Variants in INTS8 observed in about 807,000 individuals in gnomAD.
The protein encoded by INTS8 is protein kaonashi-1.
A neutral mutation model predicts 138.9 loss-of-function variants in INTS8; 47 were observed. The observed-to-expected ratio is 0.34, with a 90% CI of 0.27 to 0.43. The LOEUF is 0.43. INTS8 is among the 20% of genes least tolerant of loss of function. The pLI is 1.00. For missense variants in INTS8, 996 were observed against 1,173.0 expected (o/e 0.85, Z 2.20); for synonymous variants, 392 against 400.9 (o/e 0.98, Z 0.27).
chr8:94,878,563 A>G (rs182071269), intron 26 of INTS8, among the ~76,000 whole-genome samples: 2 of 152,008 alleles, frequency 1.3e-5, no homozygotes, highest in Admixed American at 1.3e-4. Context: ...TATGCTTTGA[A>G]TTCTCTCCCC....
chr8:94,828,335 C>T (rs1318161403), intron 4 of INTS8, among the ~76,000 whole-genome samples: 2 of 152,072 alleles, frequency 1.3e-5, no homozygotes, highest in Non-Finnish European at 2.9e-5. Context: ...GCCACGGCAC[C>T]CAGCCTGATA....
chr8:94,826,285 A>ATT (rs1311945370), intron 2 of INTS8, among the ~76,000 whole-genome samples: 2 of 146,774 alleles, frequency 1.4e-5, no homozygotes. Flanking sequence ...TTTAAAGTGA[A>ATT]TTTTTTTTTT....
chr8:94,830,548 A>G (rs969728186), intron 5 of INTS8, among the ~76,000 whole-genome samples: 2 of 152,206 alleles, frequency 1.3e-5, no homozygotes, highest in African/African-American at 4.8e-5. Context: ...CCCAGGCTAC[A>G]GTGCAGTGGC....
In INTS8 at chr8:94,842,446, A is replaced by G. The variant is rs752289705; in HGVS notation, c.1218A>G (p.Leu406=). ...CAATTAGTGTTCAATTTAACCAGCT[A>G]TTTCTTAGACCAAATAAAGAGAAAA... ...GRTISVQFNQ[L]FLRPNKEKID... Residue 406 remains leucine (L), a synonymous_variant, in exon 10 of 27, where the codon CTA becomes CTG. Coordinates refer to ENST00000523731, the MANE Select transcript of INTS8 (RefSeq NM_017864.4). 4 of 1,605,610 alleles carry G rather than the reference A, an allele frequency of 2.5e-6. 1 individual carries two copies. The South Asian group carries it at 4.4e-5, about 18-fold the overall frequency.
intron 21 of INTS8, among the ~76,000 whole-genome samples, 165 bp from the exon 22 acceptor site, chr8:94,873,209 C>G (rs1404559268): frequency 6.6e-6 from 1 of 152,202 alleles, no homozygotes; most frequent in Admixed American, 6.5e-5. Context: ...ATACTAAATT[C>G]TGTACTAGGA....
intron 15 of INTS8, among the ~76,000 whole-genome samples, chr8:94,858,269 G>A (rs1004709745): frequency 7.9e-5 from 12 of 152,190 alleles, no homozygotes; most frequent in South Asian, 4.1e-4. Flanking sequence ...AAGTGCTACC[G>A]TCTTGAGTCC....
At chr8:94,873,080 T>C (rs1199788514) in intron 21 of INTS8, among the ~76,000 whole-genome samples, 1 of 152,214 alleles carries the variant, frequency 6.6e-6, no homozygotes, top group African/African-American at 2.4e-5. Context: ...GTTCTCGATA[T>C]CTATCAAGTT....
intron 1 of INTS8, 41 bp downstream of exon 1, chr8:94,823,602 C>A: frequency 6.9e-7 from 1 of 1,444,000 alleles, no homozygotes; most frequent in Non-Finnish European, 9.3e-7. Context: ...GACCCGGCCA[C>A]CGGCGCTGTC....
chr8:94,851,934 G>A lies in INTS8; in HGVS notation c.1641+248G>A, dbSNP rs370803372. 1.9e-4 allele frequency among the ~76,000 whole-genome samples: 29 copies of A among 152,142 alleles called. 2 individuals are homozygous for A. The highest frequency in any genetic ancestry group is 1.5e-3 in the East Asian group (8 of 5,182). ...TTTTCCATTTGTTGACAAAATATACGCATTTTATTTCATTCATTTGTTTTT... is the reference window on the plus strand; with the variant it reads ...TTTTCCATTTGTTGACAAAATATACACATTTTATTTCATTCATTTGTTTTT... On this transcript the variant is annotated intron_variant, in intron 13 of 26. Transcript: ENST00000523731.
At chr8:94,855,512 A>G (rs1815713370) in intron 14 of INTS8, among the ~76,000 whole-genome samples, 1 of 152,166 alleles carries the variant, frequency 6.6e-6, no homozygotes, top group Non-Finnish European at 1.5e-5. Context: ...TAATAGGAGG[A>G]ATGTAGTTAG....
chr8:94,860,193 G>A (rs979724623), intron 16 of INTS8: 1 of 152,074 alleles, frequency 6.6e-6, no homozygotes, highest in Non-Finnish European at 1.5e-5. Flanking sequence ...AGAAACTGGA[G>A]GTTTTTTCTA....
chr8:94,866,057 A>T (rs938093658), intron 17 of INTS8, 101 bp from the exon 18 acceptor site: 15 of 585,362 alleles, frequency 2.6e-5, no homozygotes, highest in Non-Finnish European at 4.6e-5. Context: ...ACACTTGCAG[A>T]ATTGGAGCAT....
Position 94,865,663 on chromosome 8 carries a change from G to A in INTS8, c.2234G>A (p.Arg745Lys), listed in dbSNP as rs1356902375. ...GGCAGAGTTAGTTTAATAAAACAGA[G>A]GGAATCTACGTTAGGTATCATGTAT... ...NDGRVSLIKQ[R>K]ESTLGIMYRS... Residue 745 changes from arginine (R) to lysine (K), a missense_variant, in exon 17 of 27, where the codon AGG becomes AAG. Physicochemically the swap from Arg to Lys is conservative, Grantham distance 26. Transcript: ENST00000523731. The A allele has an allele frequency of 6.2e-7, 1 of 1,613,910 alleles. No homozygotes were observed. The highest frequency in any genetic ancestry group is 1.3e-5 in the African/African-American group (1 of 74,910).
rs1477872973 is a variant in INTS8, at chr8:94,881,452, A to AAT, written c.*1219_*1220insTA. 5 of 589,868 alleles carry AAT rather than the reference A, an allele frequency of 8.5e-6. No homozygotes were observed. In the African/African-American group the frequency reaches 9.5e-5, roughly 11 times the overall value. The allele number at this position is 589,868 out of a possible 1,614,324, so 36.5% of individuals were successfully genotyped here. Reference sequence around the variant, plus strand: ...CTGTTTCTTTAACAGCTAACATAGGAAATAATTAAATGTATTCTTTAGTGC... The same window carrying AAT: ...CTGTTTCTTTAACAGCTAACATAGGAATAATAATTAAATGTATTCTTTAGTGC... On this transcript the variant is annotated 3_prime_UTR_variant, in exon 27 of 27. Transcript: ENST00000523731.
chr8:94,832,244 T>C (rs1260431565), intron 6 of INTS8, 70 bp downstream of exon 6: 1 of 1,079,098 alleles, frequency 9.3e-7, no homozygotes, highest in Non-Finnish European at 1.4e-6. Context: ...CATCCTCCTA[T>C]TTTTAATTAG....
chr8:94,849,341 T>A (rs1328759234), intron 10 of INTS8, 121 bp from the exon 11 acceptor site: 2 of 650,110 alleles, frequency 3.1e-6, no homozygotes, highest in Non-Finnish European at 5.5e-6. Context: ...CTTAACTAAA[T>A]CTGTGATTGG....
intron 20 of INTS8, among the ~76,000 whole-genome samples, chr8:94,868,215 C>T (rs959137005): frequency 1.3e-5 from 2 of 152,070 alleles, no homozygotes; most frequent in African/African-American, 4.8e-5. Context: ...TTTCTTTTCC[C>T]ACACATAGCA....
At position 94,831,760 on chromosome 8, in the gene INTS8, G is replaced by A. The variant is rs1416364151; in HGVS notation, c.571-232G>A. ...CTCCCAAAGTGCTGGGATTATAGGC[G>A]TGAGCCACCATGCCTGGCCCTCCTG... On this transcript the variant is annotated intron_variant, in intron 5 of 26. Coordinates refer to ENST00000523731, the MANE Select transcript of INTS8 (RefSeq NM_017864.4). 5.8e-4 allele frequency among the ~76,000 whole-genome samples: 88 copies of A among 152,136 alleles called. 2 individuals are homozygous for A. Among genetic ancestry groups the A allele is most frequent in the Admixed American group, 1.3e-4 (2 of 15,274 alleles).
chr8:94,832,296 G>A, intron 6 of INTS8, 122 bp downstream of exon 6: 1 of 684,780 alleles, frequency 1.5e-6, no homozygotes, highest in South Asian at 1.9e-5. Context: ...TATTAAAACT[G>A]CATTGTATTT....
Sources: gnomAD v4.1 joint callset for allele counts (sites outside exome capture counted in the v4.1 genomes callset) on GRCh38, gnomAD v4.1.1 for gene constraint, MANE v1.5 for transcripts, NCBI Gene and HGNC (gene_info 2026-07-23, HGNC 2026-07-21) for gene names.